The following KDM4B variants were observed in gnomAD, a reference collection of about 807,000 sequenced individuals.
The protein encoded by KDM4B is lysine-specific demethylase 4B.
In KDM4B, 32 loss-of-function variants were observed where a neutral mutation model predicts 125.2. The ratio of observed to expected loss-of-function variants is 0.26; its 90% confidence interval spans 0.19 to 0.34. The LOEUF is 0.34. Ranked by LOEUF, KDM4B falls within the 10% of genes least tolerant of loss-of-function variation. The pLI is 1.00. For missense variants in KDM4B, 1,190 were observed against 1,577.7 expected, an observed-to-expected ratio of 0.75 and a Z score of 4.16; for synonymous variants, 721 against 677.9, an observed-to-expected ratio of 1.06 and a Z score of -0.99.
At chr19:5,042,904 C>A (rs1046899134) in intron 5 of KDM4B, among the ~76,000 whole-genome samples, 1 of 150,528 alleles carries the variant, frequency 6.6e-6, no homozygotes, top group African/African-American at 2.4e-5. Flanking sequence ...ACTTTACACA[C>A]GTAGCTTGAA....
chr19:5,131,213 C>T lies in KDM4B; in HGVS notation c.1453C>T (p.Leu485=), dbSNP rs766843850. The T allele has an allele frequency of 2.5e-6, 4 of 1,605,688 alleles. No individual in the cohort carries two copies. The South Asian group carries it at 3.3e-5, about 13-fold the overall frequency. The change falls in exon 12 of 23, where the codon CTG becomes TTG. Residue 485 remains leucine (L), a synonymous_variant. Coordinates refer to ENST00000159111, the MANE Select transcript of KDM4B (RefSeq NM_015015.3). The part of the protein sequence containing the change: ...SEEALWLPSP[L]EPPVLGPGPA... ...GGAGGCGCTGTGGCTGCCATCCCCACTGGAGCCCCCGGTGCTGGGCCCAGG... is the reference window on the plus strand; with the variant it reads ...GGAGGCGCTGTGGCTGCCATCCCCATTGGAGCCCCCGGTGCTGGGCCCAGG...
chr19:5,096,202 C>G (rs974352249), intron 9 of KDM4B, among the ~76,000 whole-genome samples: 1 of 151,758 alleles, frequency 6.6e-6, no homozygotes, highest in African/African-American at 2.4e-5. Flanking sequence ...TCTCCTGCCT[C>G]AGCCTCCCTG....
In KDM4B at chr19:5,071,046, G is replaced by GC; in HGVS notation, c.664dup (p.Arg222ProfsTer21). 1 of 1,613,354 alleles carries GC rather than the reference G, an allele frequency of 6.2e-7. No individual in the cohort carries two copies. The highest frequency in any genetic ancestry group is 8.5e-7 in the Non-Finnish European group (1 of 1,179,950). On this transcript the variant is annotated frameshift_variant, in exon 7 of 23. Transcript: ENST00000159111. LOFTEE classifies it high-confidence loss of function. ...CACCAGAGCACGGCAAGCGCCTGGA[G>GC]CGGCTGGCCATCGGTAGGTGCCTGC...
rs2037931794 is a variant in KDM4B at position 5,071,048 on chromosome 19, G to A, written c.665G>A (p.Arg222Gln). The A allele has an allele frequency of 6.2e-7, 1 of 1,613,186 alleles. No individual in the cohort carries two copies. ...CCAGAGCACGGCAAGCGCCTGGAGC[G>A]GCTGGCCATCGGTAGGTGCCTGCCC... Reference protein sequence around the residue: ...IPPEHGKRLERLAIGFFPGSS... With the variant: ...IPPEHGKRLEQLAIGFFPGSS... The change falls in exon 7 of 23, where the codon CGG becomes CAG. Residue 222 changes from arginine (R) to glutamine (Q), a missense_variant. Transcript: ENST00000159111.
chr19:5,058,610 G>T (rs1409631847), intron 6 of KDM4B, among the ~76,000 whole-genome samples: 1 of 152,240 alleles, frequency 6.6e-6, no homozygotes, highest in Non-Finnish European at 1.5e-5. Flanking sequence ...GACCCTGCAG[G>T]GGCTGCCTTA....
At chr19:5,002,543 G>A (rs371543862) in intron 1 of KDM4B, among the ~76,000 whole-genome samples, 10 of 147,294 alleles carry the variant, frequency 6.8e-5, no homozygotes, top group African/African-American at 2.0e-4. Flanking sequence ...CTTTCAAGAC[G>A]AGGTCTTACT....
chr19:4,990,594 C>T (rs1291483243), intron 1 of KDM4B, among the ~76,000 whole-genome samples: 4 of 152,168 alleles, frequency 2.6e-5, no homozygotes, highest in Non-Finnish European at 4.4e-5. Context: ...TGTTTTAATA[C>T]TGTCATTATG....
intron 9 of KDM4B, among the ~76,000 whole-genome samples, chr19:5,098,736 C>G (rs1481563905): frequency 6.6e-6 from 1 of 152,036 alleles, no homozygotes; most frequent in Middle Eastern, 3.2e-3. Flanking sequence ...TATGAAAGAG[C>G]CCCCAGAGAG....
chr19:5,049,742 G>T, intron 6 of KDM4B, among the ~76,000 whole-genome samples: 1 of 152,138 alleles, frequency 6.6e-6, no homozygotes, highest in Non-Finnish European at 1.5e-5. Flanking sequence ...TCTACTACGG[G>T]CTATCAGTCC....
intron 6 of KDM4B, among the ~76,000 whole-genome samples, chr19:5,066,979 C>T (rs535096883): frequency 1.2e-4 from 18 of 152,216 alleles, no homozygotes; most frequent in Admixed American, 2.6e-4. Context: ...GCGTCCCGGC[C>T]GATGTGAGTC....
At position 5,135,378 on chromosome 19, in the gene KDM4B, G is replaced by A. The variant is rs372432575; in HGVS notation, c.2125G>A (p.Gly709Arg). The part of the protein sequence containing the change: ...TEKEAPIASL[G>R]EGCPATLPSK... The stretch of plus-strand genomic sequence containing the variant: ...GAAGGAGGCACCCATAGCCTCCCTC[G>A]GAGAGGGCTGCCCGGCCACATTACC... Residue 709 changes from glycine (G) to arginine (R), a missense_variant, in exon 15 of 23, where the codon GGA becomes AGA. This residue lies in a region of KDM4B where 128 missense variants were observed against 137.8 expected (regional missense o/e 0.93). Coordinates refer to ENST00000159111, the MANE Select transcript of KDM4B (RefSeq NM_015015.3). The A allele has an allele frequency of 4.6e-5, 74 of 1,613,378 alleles. No homozygotes were observed. The highest frequency in any genetic ancestry group is 3.3e-4 in the Middle Eastern group (2 of 6,082).
rs970196389 is a variant in KDM4B, at chr19:5,150,464, G to C, written c.3114+14G>C. 2.6e-6 allele frequency: 4 copies of C among 1,543,788 alleles called. No homozygotes were observed. In the African/African-American group the frequency reaches 4.1e-5, roughly 16 times the overall value. ...CGCTCTCGGCTGGTGAGTGCGCGAG[G>C]CTGGCCTGGTGGCTCCGGGTGACTC... On this transcript the variant is annotated intron_variant, in intron 22 of 22. Coordinates refer to ENST00000159111, the MANE Select transcript of KDM4B (RefSeq NM_015015.3).
chr19:5,057,341 G>T (rs2037443791), intron 6 of KDM4B, among the ~76,000 whole-genome samples: 1 of 152,198 alleles, frequency 6.6e-6, no homozygotes, highest in African/African-American at 2.4e-5. Context: ...GTGTGTGTAA[G>T]ATTCATCCGG....
chr19:5,004,329 C>T (rs1372909822), intron 1 of KDM4B, among the ~76,000 whole-genome samples: 4 of 152,190 alleles, frequency 2.6e-5, no homozygotes, highest in African/African-American at 9.7e-5. Flanking sequence ...TGCCACAGGC[C>T]CTCGCTCCCT....
intron 9 of KDM4B, among the ~76,000 whole-genome samples, chr19:5,097,861 C>T (rs1457631615): frequency 3.9e-5 from 6 of 152,242 alleles, no homozygotes; most frequent in Non-Finnish European, 2.9e-5. Flanking sequence ...TGATTCCCCT[C>T]GGCCACCAGT....
At chr19:5,106,101 TTG>T (rs758776772) in intron 9 of KDM4B, among the ~76,000 whole-genome samples, 3 of 152,218 alleles carry the variant, frequency 2.0e-5, no homozygotes, top group Non-Finnish European at 4.4e-5. Flanking sequence ...ACCGTGCATT[TTG>T]TGTTTCTTCA....
intron 5 of KDM4B, among the ~76,000 whole-genome samples, chr19:5,045,246 A>T (rs952331824): frequency 6.6e-6 from 1 of 152,146 alleles, no homozygotes; most frequent in Non-Finnish European, 1.5e-5. Context: ...CCACCCTGGG[A>T]GGCGTGTTGC....
intron 9 of KDM4B, among the ~76,000 whole-genome samples, chr19:5,102,835 A>G (rs1456112827): frequency 1.3e-5 from 2 of 152,232 alleles, no homozygotes; most frequent in African/African-American, 4.8e-5. Flanking sequence ...GCAGTCTCAG[A>G]GCAGTGAAGA....
chr19:5,068,871 T>C (rs2037859107), intron 6 of KDM4B, among the ~76,000 whole-genome samples: 1 of 152,242 alleles, frequency 6.6e-6, no homozygotes, highest in African/African-American at 2.4e-5. Flanking sequence ...TCAATTAATC[T>C]TATCTTTACA....
Sources: allele counts gnomAD v4.1 joint callset (sites outside exome capture counted in the v4.1 genomes callset), GRCh38; gene constraint gnomAD v4.1.1; regional missense constraint gnomAD v4.1.1; transcripts MANE v1.5; gene names NCBI Gene and HGNC (gene_info 2026-07-23, HGNC 2026-07-21).